Variants in GABRB1 observed in about 807,000 individuals in gnomAD.
The protein encoded by GABRB1 is gamma-aminobutyric acid type A receptor subunit beta1.
In GABRB1, 17 loss-of-function variants were observed where a neutral mutation model predicts 51.6. The observed-to-expected ratio is 0.33, with a 90% CI of 0.23 to 0.49. The LOEUF (loss-of-function observed/expected upper bound fraction) is 0.49, where lower values mean the gene tolerates loss of function less well. Among genes scored for constraint, GABRB1 ranks in the 20% least tolerant of loss-of-function variants. The probability of loss-of-function intolerance (pLI) is 0.99; values close to 1 mark genes in which losing one functional copy is unlikely to be tolerated. For missense variants in GABRB1, 410 were observed against 600.6 expected, an observed-to-expected ratio of 0.68 and a Z score of 3.32; for synonymous variants, 247 against 218.9, an observed-to-expected ratio of 1.13 and a Z score of -1.14.
intron 3 of GABRB1, among the ~76,000 whole-genome samples, chr4:47,123,253 A>C (rs1715865679): frequency 6.9e-6 from 1 of 144,742 alleles, no homozygotes; most frequent in Non-Finnish European, 1.5e-5. Flanking sequence ...ATACATACAT[A>C]TGTGTATGTG....
In GABRB1 at chr4:47,381,473, C is replaced by T. The variant is rs565012426; in HGVS notation, c.545-21845C>T. 1.1e-4 allele frequency among the ~76,000 whole-genome samples: 17 copies of T among 152,280 alleles called. No individual in the cohort carries two copies. In the South Asian group the frequency reaches 2.3e-3, roughly 20 times the overall value. On this transcript the variant is annotated intron_variant, in intron 5 of 8. Transcript: ENST00000295454. ...CAGGAACACTGGTTCTCTCCCCGTGCGTGTTCATAATCAGGATTCCTCGGA... is the reference window on the plus strand; with the variant it reads ...CAGGAACACTGGTTCTCTCCCCGTGTGTGTTCATAATCAGGATTCCTCGGA...
At chr4:47,100,097 AG>A (rs1182009360) in intron 3 of GABRB1, among the ~76,000 whole-genome samples, 1 of 152,052 alleles carries the variant, frequency 6.6e-6, no homozygotes, top group East Asian at 1.9e-4. Flanking sequence ...GTGTTTAAAA[AG>A]AATGCTATTT....
intron 4 of GABRB1, among the ~76,000 whole-genome samples, chr4:47,280,158 C>A (rs1019817168): frequency 2.0e-5 from 3 of 151,502 alleles, no homozygotes; most frequent in Non-Finnish European, 2.9e-5. Context: ...TTTTGTGTAG[C>A]TACAGAGGAT....
At chr4:47,007,837 A>G (rs542149438) in intron 1 of GABRB1, among the ~76,000 whole-genome samples, 11 of 136,680 alleles carry the variant, frequency 8.0e-5, no homozygotes, top group Non-Finnish European at 1.4e-4. Flanking sequence ...AGCATTAAGT[A>G]CCATTAAAGG....
At chr4:47,066,291 T>C (rs1308762108) in intron 3 of GABRB1, among the ~76,000 whole-genome samples, 1 of 152,258 alleles carries the variant, frequency 6.6e-6, no homozygotes, top group African/African-American at 2.4e-5. Flanking sequence ...GCCTTGATGT[T>C]GATGTCTGCT....
chr4:47,372,522 A>G (rs543323850), intron 5 of GABRB1, among the ~76,000 whole-genome samples: 1 of 152,316 alleles, frequency 6.6e-6, no homozygotes, highest in African/African-American at 2.4e-5. Flanking sequence ...GGTTATTTAC[A>G]AAAATAGAAA....
intron 4 of GABRB1, among the ~76,000 whole-genome samples, chr4:47,318,729 A>G (rs1201520099): frequency 6.6e-6 from 1 of 152,138 alleles, no homozygotes; most frequent in Admixed American, 6.5e-5. Flanking sequence ...TTTTCTGGTC[A>G]GTGAAGTGTG....
In GABRB1 at chr4:47,291,632, G is replaced by A. The variant is rs186262399; in HGVS notation, c.462-28495G>A. Among the ~76,000 whole-genome samples, 38 of 152,308 alleles carry A rather than the reference G, an allele frequency of 2.5e-4. No individual in the cohort carries two copies. The East Asian group carries it at 6.0e-3, about 24-fold the overall frequency. ...GCAAAGCCACAGAGGAAGAGCCACCGAAGACTATGGGAAGCTACCTCTTTC... is the reference window on the plus strand; with the variant it reads ...GCAAAGCCACAGAGGAAGAGCCACCAAAGACTATGGGAAGCTACCTCTTTC... On this transcript the variant is annotated intron_variant, in intron 4 of 8. Coordinates refer to ENST00000295454, the MANE Select transcript of GABRB1 (RefSeq NM_000812.4).
intron 4 of GABRB1, among the ~76,000 whole-genome samples, chr4:47,175,212 C>A (rs1329412969): frequency 1.4e-5 from 2 of 146,096 alleles, no homozygotes; most frequent in South Asian, 2.2e-4. Context: ...TTCTTTCTTT[C>A]TCTCTTTCTT....
At chr4:47,365,491 G>T (rs145141802) in intron 5 of GABRB1, among the ~76,000 whole-genome samples, 1 of 152,100 alleles carries the variant, frequency 6.6e-6, no homozygotes, top group Non-Finnish European at 1.5e-5. Flanking sequence ...CCCACCCAGC[G>T]ATTAGCAACA....
intron 3 of GABRB1, among the ~76,000 whole-genome samples, chr4:47,046,863 C>T (rs1027405006): frequency 6.6e-6 from 1 of 152,012 alleles, no homozygotes; most frequent in African/African-American, 2.4e-5. Flanking sequence ...GAGCTAGAGG[C>T]CATTATCCTT....
At chr4:47,342,200 G>A (rs962560390) in intron 5 of GABRB1, among the ~76,000 whole-genome samples, 1 of 151,908 alleles carries the variant, frequency 6.6e-6, no homozygotes, top group African/African-American at 2.4e-5. Context: ...TCTTTAGAAA[G>A]GAAAGTTTTA....
intron 3 of GABRB1, among the ~76,000 whole-genome samples, chr4:47,046,248 T>G (rs1456815063): frequency 2.6e-5 from 4 of 152,070 alleles, no homozygotes; most frequent in Admixed American, 1.3e-4. Flanking sequence ...CATAGCAGGG[T>G]GAGGACGGAC....
At chr4:47,081,211 A>G (rs1322654923) in intron 3 of GABRB1, among the ~76,000 whole-genome samples, 1 of 152,168 alleles carries the variant, frequency 6.6e-6, no homozygotes, top group African/African-American at 2.4e-5. Flanking sequence ...TGATTTTCCC[A>G]TTCCCAAATA....
intron 5 of GABRB1, among the ~76,000 whole-genome samples, chr4:47,385,845 G>A (rs1045033204): frequency 1.1e-4 from 17 of 152,144 alleles, no homozygotes; most frequent in African/African-American, 3.9e-4. Flanking sequence ...ACAATTTGCC[G>A]GAATGTCTCA....
At chr4:47,378,693 C>T (rs2110026789) in intron 5 of GABRB1, among the ~76,000 whole-genome samples, 1 of 152,318 alleles carries the variant, frequency 6.6e-6, no homozygotes, top group African/African-American at 2.4e-5. Context: ...ACCATGTTGG[C>T]CAGGCTGGTC....
intron 3 of GABRB1, among the ~76,000 whole-genome samples, chr4:47,131,325 AT>A (rs1359457042): frequency 2.0e-5 from 3 of 151,960 alleles, no homozygotes; most frequent in Non-Finnish European, 4.4e-5. Context: ...TACCTGGCTA[AT>A]TTTTGTATTT....
intron 3 of GABRB1, among the ~76,000 whole-genome samples, chr4:47,065,733 T>A (rs189225311): frequency 2.1e-4 from 32 of 152,284 alleles, no homozygotes; most frequent in African/African-American, 7.2e-4. Flanking sequence ...TGTTTTCATG[T>A]CCTTAAGGCT....
At chr4:47,066,262 A>G (rs1409601793) in intron 3 of GABRB1, among the ~76,000 whole-genome samples, 1 of 152,188 alleles carries the variant, frequency 6.6e-6, no homozygotes, top group Non-Finnish European at 1.5e-5. Context: ...TATTACTAAA[A>G]TATGCTAATG....
Sources: allele counts gnomAD v4.1 joint callset (sites outside exome capture counted in the v4.1 genomes callset), GRCh38; gene constraint gnomAD v4.1.1; transcripts MANE v1.5; gene names NCBI Gene and HGNC (gene_info 2026-07-23, HGNC 2026-07-21).